The following RP1 variants were observed in gnomAD, a reference collection of about 807,000 sequenced individuals.
RP1 encodes the protein oxygen-regulated protein 1.
RP1 carries 16 observed loss-of-function variants against 14.8 expected under a neutral mutation model. That is an observed-to-expected ratio of 1.08 (90% confidence interval 0.73 to 1.65). The LOEUF is 1.65. Ranked by LOEUF, RP1 falls within the 40% of genes most tolerant of loss-of-function variation. RP1 has a pLI of 0.00. For synonymous variants in RP1, 876 were observed against 883.6 expected, an observed-to-expected ratio of 0.99 and a Z score of 0.15; for missense variants, 2,631 against 2,535.0, an observed-to-expected ratio of 1.04 and a Z score of -0.81.
chr8:54,627,140 G>T lies in RP1; in HGVS notation c.3258G>T (p.Leu1086=). The T allele has an allele frequency of 1.2e-6, 2 of 1,614,022 alleles. No individual in the cohort carries two copies. Among genetic ancestry groups the T allele is most frequent in the East Asian group, 2.2e-5 (1 of 44,876 alleles). ...CTCCAAAAGACCTCTTACCAGTCCT[G>T]ATGCTTCACCAATTGCAAGCTTCAG... The part of the protein sequence containing the change: ...EETPKDLLPV[L]MLHQLQASVP... Residue 1086 remains leucine (L), a synonymous_variant, in exon 4 of 4, where the codon CTG becomes CTT. Transcript: ENST00000220676.
At chr8:54,736,150 G>T (rs1423616680) in intron 18 of RP1, among the ~76,000 whole-genome samples, 3 of 152,150 alleles carry the variant, frequency 2.0e-5, no homozygotes, top group African/African-American at 7.2e-5. Context: ...TGGAGTCCTT[G>T]CTTCCCACAT....
At chr8:54,704,759 T>G (rs1029548975) in intron 14 of RP1, among the ~76,000 whole-genome samples, 5 of 152,226 alleles carry the variant, frequency 3.3e-5, no homozygotes, top group African/African-American at 9.6e-5. Flanking sequence ...CAACATAATT[T>G]TAACTCATAC....
chr8:54,616,361 G>A (rs1805715023), intron 1 of RP1, among the ~76,000 whole-genome samples, 159 bp downstream of exon 1: 2 of 152,142 alleles, frequency 1.3e-5, no homozygotes, highest in South Asian at 2.1e-4. Flanking sequence ...ACCTAACTAT[G>A]CCAGCAACCT....
At chr8:54,590,784 TC>T (rs1805028849) in intron 1 of RP1, among the ~76,000 whole-genome samples, 1 of 152,194 alleles carries the variant, frequency 6.6e-6, no homozygotes, top group East Asian at 1.9e-4. Context: ...AGCCTGAGCT[TC>T]AGACTCAGAT....
chr8:54,604,490 T>C (rs1162355804), intron 1 of RP1, among the ~76,000 whole-genome samples: 1 of 152,206 alleles, frequency 6.6e-6, no homozygotes, highest in Non-Finnish European at 1.5e-5. Context: ...GATATCGGTC[T>C]AAAATTCTCT....
chr8:54,625,227 C>A lies in RP1; in HGVS notation c.1345C>A (p.Pro449Thr). ...CCAAGCAAAGCATCGTTTTTATAGG[C>A]CCCCTACACCTGGACTAAGAAGAGT... ...QDQAKHRFYR[P>T]PTPGLRRVRQ... The change falls in exon 4 of 4, where the codon CCC becomes ACC. Residue 449 changes from proline to threonine, a missense_variant. Physicochemically the swap from Pro to Thr is conservative, Grantham distance 38. Transcript: ENST00000220676. 6.2e-7 allele frequency: 1 copy of A among 1,614,042 alleles called. No homozygotes were observed. Among genetic ancestry groups the A allele is most frequent in the South Asian group, 1.1e-5 (1 of 91,074 alleles).
chr8:54,840,075 A>G lies in RP1; in HGVS notation c.3835+2406A>G, dbSNP rs77656885. Among the ~76,000 whole-genome samples, 260 of 152,230 alleles carry G rather than the reference A, an allele frequency of 1.7e-3. 1 individual carries two copies. Among genetic ancestry groups the G allele is most frequent in the African/African-American group, 4.2e-3 (173 of 41,540 alleles). On this transcript the variant is annotated intron_variant, in intron 25 of 28. Coordinates refer to the RP1 transcript ENST00000637698. ...TTTAGAATTTTGGTTTCTACCCTGC[A>G]TGTCTCAGGACCTATCTATTCTATT...
At position 54,627,095 on chromosome 8, in the gene RP1, A is replaced by C; in HGVS notation, c.3213A>C (p.Val1071=). 1 of 1,614,130 alleles carries C rather than the reference A, an allele frequency of 6.2e-7. No individual in the cohort carries two copies. The highest frequency in any genetic ancestry group is 8.5e-7 in the Non-Finnish European group (1 of 1,179,982). The part of the protein sequence containing the change: ...KRQSVEAAIQ[V]DPIEEETPKD... ...AAAGTGTAGAGGCTGCCATTCAAGT[A>C]GATCCTATAGAAGAGGAAACTCCAA... The change falls in exon 4 of 4, where the codon GTA becomes GTC. Residue 1071 remains valine (V), a synonymous_variant. Transcript: ENST00000220676.
chr8:54,830,433 C>T (rs954595539), intron 24 of RP1, among the ~76,000 whole-genome samples: 7 of 152,016 alleles, frequency 4.6e-5, no homozygotes, highest in African/African-American at 1.7e-4. Context: ...CCTACTCCCT[C>T]CCCCCACTGA....
chr8:54,585,492 G>A (rs1012726304), intron 1 of RP1, among the ~76,000 whole-genome samples: 76 of 152,194 alleles, frequency 5.0e-4, no homozygotes, highest in Non-Finnish European at 8.8e-4. Flanking sequence ...TGCTCTTCTC[G>A]AAGAGTATCT....
At chr8:54,633,737 C>CTCTCTCTATATATATA (rs1236298691), downstream of RP1, among the ~76,000 whole-genome samples, 16 of 118,798 alleles carry the variant, frequency 1.3e-4, no homozygotes, top group African/African-American at 4.6e-4. Flanking sequence ...CTCTCTCTCT[C>CTCTCTCTATATATATA]TATATATATA....
intron 1 of RP1, among the ~76,000 whole-genome samples, chr8:54,576,109 C>T (rs2129294764): frequency 6.6e-6 from 1 of 150,774 alleles, no homozygotes; most frequent in Non-Finnish European, 1.5e-5. Context: ...GGCGCAATCT[C>T]GGCTCACTGC....
rs975510775 is a variant in RP1, at chr8:54,628,803, A to G, written c.4921A>G (p.Ile1641Val). 6.2e-7 allele frequency: 1 copy of G among 1,614,160 alleles called. No homozygotes were observed. The highest frequency in any genetic ancestry group is 8.5e-7 in the Non-Finnish European group (1 of 1,179,994). ...AGAAAAACTGTACGGTAAAGCAGAT[A>G]TTATCAAACCATCTTTTTTTCCTGG... ...AIEKLYGKAD[I>V]IKPSFFPGST... The change falls in exon 4 of 4, where the codon ATT becomes GTT. Residue 1641 changes from isoleucine (I) to valine (V), a missense_variant. Physicochemically the swap from Ile to Val is conservative, Grantham distance 29. Coordinates refer to ENST00000220676, the MANE Select transcript of RP1 (RefSeq NM_006269.2).
At chr8:54,818,076 C>A (rs770670319) in intron 24 of RP1, among the ~76,000 whole-genome samples, 1 of 152,186 alleles carries the variant, frequency 6.6e-6, no homozygotes, top group Non-Finnish European at 1.5e-5. Flanking sequence ...AAATCTTCAA[C>A]GCTTTTTAAA....
chr8:54,646,996 C>T (rs1477371178), intron 3 of RP1, among the ~76,000 whole-genome samples: 2 of 152,164 alleles, frequency 1.3e-5, no homozygotes, highest in Non-Finnish European at 2.9e-5. Context: ...CCATCCTTGA[C>T]TAGTTTTTTT....
At chr8:54,594,041 C>A (rs56226708) in intron 1 of RP1, among the ~76,000 whole-genome samples, 1 of 149,762 alleles carries the variant, frequency 6.7e-6, no homozygotes, top group African/African-American at 2.5e-5. Context: ...GAACTTGGTT[C>A]TTCTTGGTCT....
At chr8:54,847,969 C>T (rs905790184) in intron 25 of RP1, among the ~76,000 whole-genome samples, 4 of 152,198 alleles carry the variant, frequency 2.6e-5, no homozygotes, top group African/African-American at 9.7e-5. Flanking sequence ...TGTCTTTGGC[C>T]TCTAGTCCTG....
At chr8:54,669,846 G>C (rs533862341) in intron 7 of RP1, among the ~76,000 whole-genome samples, 1 of 151,868 alleles carries the variant, frequency 6.6e-6, no homozygotes, top group South Asian at 2.1e-4. Flanking sequence ...TTGGACACAG[G>C]GTGGGGAACA....
At chr8:54,679,128 A>T (rs572368928) in intron 9 of RP1, among the ~76,000 whole-genome samples, 2 of 152,350 alleles carry the variant, frequency 1.3e-5, no homozygotes, top group South Asian at 4.1e-4. Context: ...TCCAGTGAAT[A>T]TAACATCTAC....
Sources: allele counts gnomAD v4.1 joint callset (sites outside exome capture counted in the v4.1 genomes callset), GRCh38; gene constraint gnomAD v4.1.1; transcripts MANE v1.5; gene names NCBI Gene and HGNC (gene_info 2026-07-23, HGNC 2026-07-21).